PCDHGB3: variants seen among roughly 807,000 people sequenced by gnomAD.
The protein encoded by PCDHGB3 is protocadherin gamma-B3.
Under a neutral mutation model 59.2 loss-of-function variants are expected in PCDHGB3, and 40 were observed. The ratio of observed to expected loss-of-function variants is 0.68; its 90% CI spans 0.52 to 0.88. The LOEUF (loss-of-function observed/expected upper bound fraction) is 0.88, where lower values mean the gene tolerates loss of function less well. Among genes scored for constraint, PCDHGB3 ranks in the 40% least tolerant of loss-of-function variants. The pLI is 0.00. For missense variants in PCDHGB3, 1,309 were observed against 1,187.9 expected, an observed-to-expected ratio of 1.10 and a Z score of -1.50; for synonymous variants, 581 against 503.6, an observed-to-expected ratio of 1.15 and a Z score of -2.06.
Position 141,421,313 on chromosome 5 carries a change from C to T in PCDHGB3, c.2415+48504C>T, listed in dbSNP as rs201429116. 461 of 1,613,716 alleles carry T rather than the reference C, an allele frequency of 2.9e-4. No homozygotes were observed. Among genetic ancestry groups the T allele is most frequent in the Non-Finnish European group, 3.7e-4 (436 of 1,179,850 alleles). On this transcript the variant is annotated intron_variant, in intron 1 of 3. Coordinates refer to ENST00000576222, the MANE Select transcript of PCDHGB3 (RefSeq NM_018924.5). ...CTGGGGACGCTGCGGGGGTTCCGGGCCAGGCAGATCCGATATTCGGTGCCA... is the reference window on the plus strand; with the variant it reads ...CTGGGGACGCTGCGGGGGTTCCGGGTCAGGCAGATCCGATATTCGGTGCCA...
chr5:141,382,652 G>A, intron 1 of PCDHGB3: 1 of 410,070 alleles, frequency 2.4e-6, no homozygotes, highest in Non-Finnish European at 4.3e-6. Flanking sequence ...AACTTAGTAA[G>A]GACTCACAGC....
At chr5:141,413,407 CT>C (rs758693256) in intron 1 of PCDHGB3, 3 of 1,613,926 alleles carry the variant, frequency 1.9e-6, no homozygotes, top group Non-Finnish European at 2.5e-6. Flanking sequence ...TAGGACGCAG[CT>C]TTTCTCTCTG....
At chr5:141,384,075 T>C in intron 1 of PCDHGB3, 1 of 1,600,788 alleles carries the variant, frequency 6.2e-7, no homozygotes, top group Non-Finnish European at 8.5e-7. Context: ...ACCTACCTTT[T>C]AAATTAGAAA....
rs372326132 is a variant in PCDHGB3 at position 141,486,185 on chromosome 5, G to A, written c.2416-8622G>A. On this transcript the variant is annotated intron_variant, in intron 1 of 3. Coordinates refer to ENST00000576222, the MANE Select transcript of PCDHGB3 (RefSeq NM_018924.5). The surrounding 1 kb of genome is among the most constrained non-coding windows in gnomAD (Gnocchi z 5.0). ...CATGGAGCAACATTGCAGCCTTCGAGTGGATCTGCTGGACGTAAATGACAA... is the reference window on the plus strand; with the variant it reads ...CATGGAGCAACATTGCAGCCTTCGAATGGATCTGCTGGACGTAAATGACAA... 42 of 1,614,108 alleles carry A rather than the reference G, an allele frequency of 2.6e-5. No homozygotes were observed. The highest frequency in any genetic ancestry group is 3.4e-5 in the Non-Finnish European group (40 of 1,180,048).
intron 1 of PCDHGB3, chr5:141,417,966 C>T: frequency 6.2e-7 from 1 of 1,613,776 alleles, no homozygotes; most frequent in Non-Finnish European, 8.5e-7. Flanking sequence ...ATCCGCTACT[C>T]GATTCCGGAG....
At chr5:141,471,708 T>G (rs1359785951) in intron 1 of PCDHGB3, among the ~76,000 whole-genome samples, 1 of 152,138 alleles carries the variant, frequency 6.6e-6, no homozygotes, top group Non-Finnish European at 1.5e-5. Context: ...GGAATAGAAG[T>G]GCCACTTACC....
chr5:141,475,899 T>A, intron 1 of PCDHGB3: 1 of 574,766 alleles, frequency 1.7e-6, no homozygotes. Flanking sequence ...TGTGTGCCGC[T>A]GTCGGCCAAT....
chr5:141,429,416 T>C (rs527999196), intron 1 of PCDHGB3, among the ~76,000 whole-genome samples: 1 of 152,230 alleles, frequency 6.6e-6, no homozygotes, highest in Admixed American at 6.5e-5. Flanking sequence ...GGTCTCATTA[T>C]GTTGCCCAGG....
rs148641580 is a variant in PCDHGB3 at position 141,437,874 on chromosome 5, A to C, written c.2416-56933A>C. 3.9e-4 allele frequency among the ~76,000 whole-genome samples: 59 copies of C among 151,954 alleles called. 1 individual carries two copies. In the East Asian group the frequency reaches 5.8e-3, roughly 15 times the overall value. Reference sequence around the variant, plus strand: ...TGCCTTAGCCTCCCGAGTAGCTGGGACTACAGGCACACGCCACCACACCCA... The same window carrying C: ...TGCCTTAGCCTCCCGAGTAGCTGGGCCTACAGGCACACGCCACCACACCCA... On this transcript the variant is annotated intron_variant, in intron 1 of 3. Transcript: ENST00000576222.
intron 1 of PCDHGB3, chr5:141,398,765 C>T (rs2093700875): frequency 6.2e-7 from 1 of 1,613,944 alleles, no homozygotes. Flanking sequence ...TTAGTCCTGA[C>T]TGCCTTGGAC....
chr5:141,402,895 A>G, intron 1 of PCDHGB3: 1 of 1,505,744 alleles, frequency 6.6e-7, no homozygotes, highest in South Asian at 1.4e-5. Context: ...GGAAGAAAGA[A>G]CCTGATGAAG....
chr5:141,375,205 A>G (rs1771239671), intron 1 of PCDHGB3: 3 of 1,614,000 alleles, frequency 1.9e-6, no homozygotes, highest in Non-Finnish European at 1.7e-6. Flanking sequence ...TGTTCGATCG[A>G]GACTCTGGCC....
At position 141,479,006 on chromosome 5, in the gene PCDHGB3, T is replaced by C. The variant is rs148063283; in HGVS notation, c.2416-15801T>C. On this transcript the variant is annotated intron_variant, in intron 1 of 3. Transcript: ENST00000576222. ...ACATTTGTATTAAAACTAATAGCTT[T>C]TTGATAATTTTCCTTTGTTTATACA... Among the ~76,000 whole-genome samples the C allele has an allele frequency of 1.2e-3, 179 of 152,340 alleles. 2 individuals are homozygous for C. The highest frequency in any genetic ancestry group is 0.011 in the Admixed American group (170 of 15,300).
intron 1 of PCDHGB3, chr5:141,479,325 A>C (rs2099492835): frequency 6.6e-6 from 1 of 152,648 alleles, no homozygotes; most frequent in South Asian, 2.1e-4. Context: ...AGCCAGACTC[A>C]GTGGTGTGCA....
chr5:141,405,527 C>T (rs1055420196), intron 1 of PCDHGB3: 7 of 670,510 alleles, frequency 1.0e-5, no homozygotes, highest in Non-Finnish European at 1.8e-5. Flanking sequence ...TCAAGCGATT[C>T]TCCTGCCTCA....
chr5:141,444,588 A>G (rs1486905298), intron 1 of PCDHGB3, among the ~76,000 whole-genome samples: 1 of 152,138 alleles, frequency 6.6e-6, no homozygotes, highest in Non-Finnish European at 1.5e-5. Flanking sequence ...CTTTCTACTT[A>G]CCTTATTTAA....
intron 1 of PCDHGB3, chr5:141,398,873 T>G (rs2093718804): frequency 5.0e-6 from 8 of 1,613,254 alleles, no homozygotes; most frequent in Non-Finnish European, 6.8e-6. Context: ...GTGTACAGAG[T>G]CAGCCTTCGG....
chr5:141,389,770 C>A, intron 1 of PCDHGB3: 4 of 1,613,166 alleles, frequency 2.5e-6, no homozygotes, highest in Non-Finnish European at 3.4e-6. Context: ...ACAGCGCGTG[C>A]CTTAGGCGAC....
chr5:141,488,633 A>G (rs2099677537), intron 1 of PCDHGB3, among the ~76,000 whole-genome samples: 1 of 152,174 alleles, frequency 6.6e-6, no homozygotes, highest in South Asian at 2.1e-4. Context: ...TCACCTTAGC[A>G]GCATTCAGCA....
Sources: gnomAD v4.1 joint callset for allele counts (sites outside exome capture counted in the v4.1 genomes callset) on GRCh38, gnomAD v4.1.1 for gene constraint, Gnocchi (gnomAD v3.1) non-coding constraint, MANE v1.5 for transcripts, NCBI Gene and HGNC (gene_info 2026-07-23, HGNC 2026-07-21) for gene names.